CDC14A: variants seen among roughly 807,000 people sequenced by gnomAD.
CDC14A encodes the protein dual specificity protein phosphatase CDC14A.
Under a neutral mutation model 74.4 loss-of-function variants are expected in CDC14A, and 53 were observed. The ratio of observed to expected loss-of-function variants is 0.71; its 90% confidence interval spans 0.57 to 0.89. The LOEUF is 0.89. CDC14A is among the 40% of genes least tolerant of loss of function. The pLI is 0.00. For synonymous variants in CDC14A, 247 were observed against 258.4 expected (o/e 0.96, Z 0.43); for missense variants, 646 against 713.7 (o/e 0.91, Z 1.08).
At chr1:100,363,822 C>T (rs934262684) in intron 2 of CDC14A, among the ~76,000 whole-genome samples, 4 of 152,202 alleles carry the variant, frequency 2.6e-5, no homozygotes, top group Middle Eastern at 3.4e-3. Flanking sequence ...GAATAATTTA[C>T]GGAAACCTTT....
chr1:100,456,449 A>G (rs140325594), intron 8 of CDC14A, among the ~76,000 whole-genome samples: 33 of 143,072 alleles, frequency 2.3e-4, no homozygotes, highest in African/African-American at 8.1e-4. Context: ...TTTTTTTTCT[A>G]TCTGATCATA....
chr1:100,390,841 T>C lies in CDC14A; in HGVS notation c.309+17T>C. 1 of 1,566,560 alleles carries C rather than the reference T, an allele frequency of 6.4e-7. No homozygotes were observed. The highest frequency in any genetic ancestry group is 8.8e-7 in the Non-Finnish European group (1 of 1,137,880). On this transcript the variant is annotated intron_variant, in intron 4 of 15. Coordinates refer to ENST00000336454, the MANE Select transcript of CDC14A (RefSeq NM_003672.4). ...GCCTATGCAGTAAGTACCTTCTTCA[T>C]GATTATTTTCTATAATCAGGCCAGT...
intron 15 of CDC14A, among the ~76,000 whole-genome samples, chr1:100,502,245 C>G (rs1474157069): frequency 2.0e-5 from 3 of 152,150 alleles, no homozygotes; most frequent in Non-Finnish European, 4.4e-5. Context: ...ACTGACTCAC[C>G]CAGAGTAACT....
intron 5 of CDC14A, among the ~76,000 whole-genome samples, chr1:100,436,242 G>C (rs1178966417): frequency 6.6e-6 from 1 of 152,080 alleles, no homozygotes; most frequent in Non-Finnish European, 1.5e-5. Context: ...CGACTATATT[G>C]GTGAGTTGAG....
chr1:100,489,860 C>G (rs1316894291), intron 11 of CDC14A, among the ~76,000 whole-genome samples: 1 of 152,158 alleles, frequency 6.6e-6, no homozygotes, highest in Non-Finnish European at 1.5e-5. Flanking sequence ...TCCAGGGAAT[C>G]TGCCTCTCCT....
chr1:100,489,670 A>G (rs911764774), intron 11 of CDC14A, among the ~76,000 whole-genome samples: 1 of 151,508 alleles, frequency 6.6e-6, no homozygotes, highest in Non-Finnish European at 1.5e-5. Flanking sequence ...GCCTTCATGT[A>G]GGGCAGCCCA....
At chr1:100,514,645 T>C (rs1650045668) in intron 15 of CDC14A, among the ~76,000 whole-genome samples, 1 of 152,168 alleles carries the variant, frequency 6.6e-6, no homozygotes, top group African/African-American at 2.4e-5. Context: ...ATTACATGAA[T>C]TGGGGCTAAT....
Position 100,505,024 on chromosome 1 carries a change from T to C in CDC14A, c.1755+5762T>C, listed in dbSNP as rs964244817. On this transcript the variant is annotated intron_variant, in intron 15 of 15. Transcript: ENST00000336454. ...AACATCTATATTTGTTTACATATTGTCTGTGTATGTAAGAATTGTCTCCAA... is the reference window on the plus strand; with the variant it reads ...AACATCTATATTTGTTTACATATTGCCTGTGTATGTAAGAATTGTCTCCAA... The C allele has an allele frequency of 6.6e-6, 8 of 1,211,718 alleles. No homozygotes were observed. The African/African-American group carries it at 9.2e-5, about 14-fold the overall frequency. The allele number at this position is 1,211,718 out of a possible 1,614,324, so 75.1% of individuals were successfully genotyped here.
chr1:100,404,511 T>C (rs1043386217), intron 4 of CDC14A, among the ~76,000 whole-genome samples: 8 of 152,324 alleles, frequency 5.3e-5, no homozygotes, highest in African/African-American at 1.4e-4. Context: ...GGTGTAGTTA[T>C]ACAGCAAATT....
chr1:100,449,105 C>T (rs1464400678), intron 7 of CDC14A, among the ~76,000 whole-genome samples: 1 of 152,216 alleles, frequency 6.6e-6, no homozygotes, highest in African/African-American at 2.4e-5. Context: ...TTATTGCTAT[C>T]TTCACCTAAA....
At chr1:100,422,105 C>T (rs184985928) in intron 4 of CDC14A, among the ~76,000 whole-genome samples, 2 of 152,194 alleles carry the variant, frequency 1.3e-5, no homozygotes, top group East Asian at 1.9e-4. Context: ...TTTCACTTTG[C>T]ACTTATTAAT....
At chr1:100,435,772 C>T (rs1412606661) in intron 5 of CDC14A, among the ~76,000 whole-genome samples, 1 of 143,406 alleles carries the variant, frequency 7.0e-6, no homozygotes, top group Non-Finnish European at 1.5e-5. Context: ...TGCAGTGAGC[C>T]AAGATTGTGC....
intron 4 of CDC14A, among the ~76,000 whole-genome samples, chr1:100,415,495 C>T (rs941000514): frequency 4.6e-5 from 7 of 152,186 alleles, no homozygotes; most frequent in Non-Finnish European, 8.8e-5. Context: ...TTCTGCTTAA[C>T]TTCTATGATT....
At chr1:100,435,701 C>T (rs529034966) in intron 5 of CDC14A, among the ~76,000 whole-genome samples, 7 of 151,866 alleles carry the variant, frequency 4.6e-5, no homozygotes, top group East Asian at 1.9e-4. Flanking sequence ...TGGTGGCAGG[C>T]GCCTGTAATC....
At chr1:100,412,728 T>TATATATATAAA (rs1660971009) in intron 4 of CDC14A, among the ~76,000 whole-genome samples, 11 of 98,204 alleles carry the variant, frequency 1.1e-4, no homozygotes, top group Admixed American at 2.0e-4. Context: ...ATATATTTTA[T>TATATATATAAA]ATATATATAT....
At chr1:100,413,571 C>T (rs746377570) in intron 4 of CDC14A, among the ~76,000 whole-genome samples, 1 of 152,226 alleles carries the variant, frequency 6.6e-6, no homozygotes, top group Non-Finnish European at 1.5e-5. Context: ...CTTCTCTCTT[C>T]GAGGAGATCA....
At chr1:100,452,506 A>G (rs1387455594) in intron 7 of CDC14A, among the ~76,000 whole-genome samples, 1 of 152,134 alleles carries the variant, frequency 6.6e-6, no homozygotes, top group Non-Finnish European at 1.5e-5. Context: ...ATGCAACTCC[A>G]TCTCCAGATA....
Position 100,431,439 on chromosome 1 carries a change from T to G in CDC14A, c.389+7138T>G, listed in dbSNP as rs552467121. On this transcript the variant is annotated intron_variant, in intron 5 of 15. Coordinates refer to ENST00000336454, the MANE Select transcript of CDC14A (RefSeq NM_003672.4). ...TGATAAATATGGTTTTGAATAAGATTGCAGTCATTTACCTTAATGAACATA... is the reference window on the plus strand; with the variant it reads ...TGATAAATATGGTTTTGAATAAGATGGCAGTCATTTACCTTAATGAACATA... Among the ~76,000 whole-genome samples, 8 of 152,312 alleles carry G rather than the reference T, an allele frequency of 5.3e-5. No individual in the cohort carries two copies. In the South Asian group the frequency reaches 1.7e-3, roughly 32 times the overall value.
intron 2 of CDC14A, among the ~76,000 whole-genome samples, chr1:100,363,686 C>T (rs982164290): frequency 2.6e-5 from 4 of 151,570 alleles, no homozygotes; most frequent in African/African-American, 9.7e-5. Flanking sequence ...ATTTGGTCCC[C>T]ATGATTGATG....
Sources: allele counts gnomAD v4.1 joint callset (sites outside exome capture counted in the v4.1 genomes callset), GRCh38; gene constraint gnomAD v4.1.1; transcripts MANE v1.5; gene names NCBI Gene and HGNC (gene_info 2026-07-23, HGNC 2026-07-21).